NR2E3: variants seen among roughly 807,000 people sequenced by gnomAD.
NR2E3 encodes nuclear receptor subfamily 2 group E member 3.
Under a neutral mutation model 37.6 loss-of-function variants are expected in NR2E3, and 38 were observed. That is an observed-to-expected ratio of 1.01 (90% confidence interval 0.78 to 1.33). The LOEUF is 1.33. NR2E3 is among the 40% of genes most tolerant of loss of function. The pLI, the probability that NR2E3 is intolerant of heterozygous loss-of-function variation, is 0.00. For synonymous variants in NR2E3, 235 were observed against 225.1 expected (o/e 1.04, Z -0.39); for missense variants, 562 against 558.7 (o/e 1.01, Z -0.06).
rs1429140271 is a variant in NR2E3, at chr15:71,817,585, G to A, written c.1134G>A (p.Leu378=). The change falls in exon 8 of 8, where the codon TTG becomes TTA. Residue 378 remains leucine (L), a synonymous_variant. Coordinates refer to ENST00000617575, the MANE Select transcript of NR2E3 (RefSeq NM_014249.4). Reference sequence around the variant, plus strand: ...AATTGCTCCTGCTCCTCCCGTCTTTGAGGTTTATCACTGCGGAACGCATCG... The same window carrying A: ...AATTGCTCCTGCTCCTCCCGTCTTTAAGGTTTATCACTGCGGAACGCATCG... The part of the protein sequence containing the change: ...FGKLLLLLPS[L]RFITAERIEL... 2 of 1,602,390 alleles carry A rather than the reference G, an allele frequency of 1.2e-6. No individual in the cohort carries two copies. The highest frequency in any genetic ancestry group is 1.7e-6 in the Non-Finnish European group (2 of 1,170,574).
chr15:71,813,895 C>T lies in NR2E3; in HGVS notation c.995-117C>T. 6.5e-7 allele frequency: 1 copy of T among 1,533,724 alleles called. No individual in the cohort carries two copies. The highest frequency in any genetic ancestry group is 8.7e-7 in the Non-Finnish European group (1 of 1,143,934). On this transcript the variant is annotated intron_variant, in intron 6 of 7. Transcript: ENST00000617575. This position sits in a 1 kb window ranked among gnomAD's most constrained non-coding sequence, Gnocchi z 4.7. Reference sequence around the variant, plus strand: ...GTGGCTCCTCTGGGCCTGGCAGAGCCCACCCCACAGGGCCCCAGGTCCATG... The same window carrying T: ...GTGGCTCCTCTGGGCCTGGCAGAGCTCACCCCACAGGGCCCCAGGTCCATG...
At chr15:71,817,422 C>T in intron 7 of NR2E3, 130 bp from the exon 8 acceptor site, 1 of 1,261,060 alleles carries the variant, frequency 7.9e-7, no homozygotes, top group Non-Finnish European at 1.1e-6. Flanking sequence ...CCTCGAAATT[C>T]CTCCTGACCC....
intron 5 of NR2E3, among the ~76,000 whole-genome samples, chr15:71,812,852 C>T (rs1320233547): frequency 6.6e-6 from 1 of 152,152 alleles, no homozygotes; most frequent in Non-Finnish European, 1.5e-5. Flanking sequence ...GACCTGCACA[C>T]CCTGAACAGG....
Position 71,811,589 on chromosome 15 carries a change from A to ACGG in NR2E3, c.229_231dup (p.Arg78dup). 6.2e-7 allele frequency: 1 copy of ACGG among 1,604,312 alleles called. No individual in the cohort carries two copies. Among genetic ancestry groups the ACGG allele is most frequent in the Non-Finnish European group, 8.5e-7 (1 of 1,176,032 alleles). ...GCAGCGGCTTCTTCAAGAGGAGCGT[A>ACGG]CGGCGGAGGCTCATCTACAGGTGAG... is the stretch of plus-strand genomic sequence containing the variant. On this transcript the variant is annotated inframe_insertion, in exon 2 of 8. Transcript: ENST00000617575. The surrounding 1 kb of genome is among the most constrained non-coding windows in gnomAD (Gnocchi z 5.6).
chr15:71,817,094 CTTTTTTCTTTTTT>C (rs2054232363), intron 7 of NR2E3, among the ~76,000 whole-genome samples: 3 of 136,920 alleles, frequency 2.2e-5, no homozygotes, highest in African/African-American at 8.5e-5. Flanking sequence ...TGCGGCTTTT[CTTTTTTCTTTTTT>C]TTTTTTTTTG....
intron 7 of NR2E3, among the ~76,000 whole-genome samples, chr15:71,816,460 C>T (rs2054227078): frequency 6.6e-6 from 1 of 152,030 alleles, no homozygotes; most frequent in South Asian, 2.1e-4. Flanking sequence ...CGGGGTTTCA[C>T]CGCATTAGCC....
chr15:71,814,242 C>T (rs2054210443), intron 7 of NR2E3, 125 bp downstream of exon 7: 1 of 1,462,742 alleles, frequency 6.8e-7, no homozygotes, highest in Non-Finnish European at 9.0e-7. Context: ...AGCATACAGC[C>T]AACATCTATG....
At position 71,816,097 on chromosome 15, in the gene NR2E3, G is replaced by A. The variant is rs917255480; in HGVS notation, c.1101-1455G>A. On this transcript the variant is annotated intron_variant, in intron 7 of 7. Transcript: ENST00000617575. The stretch of plus-strand genomic sequence containing the variant: ...TGGGGAAGTCTTCCCCGAAATTCAC[G>A]GTGAGAGGAGCATGGGACTGCCCAA... Among the ~76,000 whole-genome samples, 7 of 152,020 alleles carry A rather than the reference G, an allele frequency of 4.6e-5. 1 individual carries two copies. Among genetic ancestry groups the A allele is most frequent in the East Asian group, 1.9e-4 (1 of 5,186 alleles).
intron 7 of NR2E3, chr15:71,814,551 G>A (rs1038069786): frequency 6.1e-5 from 59 of 974,104 alleles, no homozygotes; most frequent in Non-Finnish European, 7.1e-5. Context: ...TAGAACAGGA[G>A]CCCACTTTGA....
intron 7 of NR2E3, chr15:71,814,843 G>A (rs1311413233): frequency 2.0e-6 from 2 of 985,596 alleles, no homozygotes; most frequent in Non-Finnish European, 1.2e-6. Flanking sequence ...CATGGCCAGG[G>A]GAAGCAGAAG....
chr15:71,810,997 GC>G, intron 1 of NR2E3, 136 bp downstream of exon 1: 1 of 945,666 alleles, frequency 1.1e-6, no homozygotes, highest in South Asian at 1.9e-5. Context: ...GGGTGGGGTA[GC>G]CTGTGGGTAA....
intron 4 of NR2E3, 71 bp downstream of exon 4, chr15:71,812,247 G>A: frequency 6.2e-7 from 1 of 1,609,030 alleles, no homozygotes; most frequent in Admixed American, 1.7e-5. Flanking sequence ...GCAGCGCCTT[G>A]CCTTGATCCT....
Position 71,811,890 on chromosome 15 carries a change from G to T in NR2E3, c.349+21G>T. ...GGACGGTGAGGCGGGGGCTGGCCCG[G>T]GGGGAGGTGACAAGAAATGGGCAGC... On this transcript the variant is annotated intron_variant, in intron 3 of 7. Coordinates refer to ENST00000617575, the MANE Select transcript of NR2E3 (RefSeq NM_014249.4). This position sits in a 1 kb window ranked among gnomAD's most constrained non-coding sequence, Gnocchi z 5.6. The T allele has an allele frequency of 6.5e-7, 1 of 1,550,356 alleles. No homozygotes were observed. The highest frequency in any genetic ancestry group is 2.4e-5 in the East Asian group (1 of 40,906).
rs1595956247 is a variant in NR2E3 at position 71,811,936 on chromosome 15, A to C, written c.350-19A>C. The C allele has an allele frequency of 6.5e-7, 1 of 1,548,472 alleles. No homozygotes were observed. Among genetic ancestry groups the C allele is most frequent in the Non-Finnish European group, 8.7e-7 (1 of 1,146,190 alleles). Reference sequence around the variant, plus strand: ...GCAGCGGGACTGGCGTGTCGTCCTGACCCTTCCTGCCTCCCCAGCCGTGCA... The same window carrying C: ...GCAGCGGGACTGGCGTGTCGTCCTGCCCCTTCCTGCCTCCCCAGCCGTGCA... On this transcript the variant is annotated intron_variant, in intron 3 of 7. Coordinates refer to ENST00000617575, the MANE Select transcript of NR2E3 (RefSeq NM_014249.4). This position sits in a 1 kb window ranked among gnomAD's most constrained non-coding sequence, Gnocchi z 5.6.
chr15:71,813,710 C>T lies in NR2E3; in HGVS notation c.994+75C>T, dbSNP rs913558512. 7 of 1,594,332 alleles carry T rather than the reference C, an allele frequency of 4.4e-6. No individual in the cohort carries two copies. The Admixed American group carries it at 5.0e-5, about 11-fold the overall frequency. On this transcript the variant is annotated intron_variant, in intron 6 of 7. Coordinates refer to ENST00000617575, the MANE Select transcript of NR2E3 (RefSeq NM_014249.4). The surrounding 1 kb of genome is among the most constrained non-coding windows in gnomAD (Gnocchi z 4.7). ...TCTGCCTCTCACTCTCCCTCCACTACCCCCATGTGTGCAGATGTGTGTAGG... is the reference window on the plus strand; with the variant it reads ...TCTGCCTCTCACTCTCCCTCCACTATCCCCATGTGTGCAGATGTGTGTAGG...
Position 71,814,088 on chromosome 15 carries a change from C to G in NR2E3, c.1071C>G (p.Ser357Arg), listed in dbSNP as rs570291117. 3.7e-6 allele frequency: 6 copies of G among 1,612,188 alleles called. No individual in the cohort carries two copies. The highest frequency in any genetic ancestry group is 2.7e-5 in the African/African-American group (2 of 75,056). The change falls in exon 7 of 8, where the codon AGC becomes AGG. Residue 357 changes from serine (S) to arginine (R), a missense_variant. Ser to Arg is a moderately radical substitution (Grantham distance 110). Transcript: ENST00000617575. ...DQSQVMLSQH[S>R]KAHHPSQPVR... ...CCCAAGTGATGCTGAGCCAGCACAG[C>G]AAGGCCCACCACCCCAGCCAGCCCG...
At chr15:71,814,865 G>A (rs2054215462) in intron 7 of NR2E3, 1 of 985,488 alleles carries the variant, frequency 1.0e-6, no homozygotes, top group Non-Finnish European at 1.2e-6. Flanking sequence ...GAGACTCTAG[G>A]AGTTGAAATG....
At chr15:71,814,901 G>A (rs946336626) in intron 7 of NR2E3, 1 of 985,402 alleles carries the variant, frequency 1.0e-6, no homozygotes, top group African/African-American at 1.7e-5. Context: ...TTGGGTGAAG[G>A]TAAGGAATGA....
At position 71,812,601 on chromosome 15, in the gene NR2E3, C is replaced by T. The variant is rs72744698; in HGVS notation, c.747+90C>T. 0.071 allele frequency: 81,289 copies of T among 1,138,600 alleles called. 3,490 individuals are homozygous for T. The highest frequency in any genetic ancestry group is 0.083 in the Non-Finnish European group (67,900 of 816,774). The allele number at this position is 1,138,600 out of a possible 1,614,324, so 70.5% of individuals were successfully genotyped here. A position where few individuals can be genotyped will look rare whatever the true frequency, so the allele number is the denominator to read the frequency against. ...ACCAGACAGGGCACACACATCCCCACGCCAGTATGAATGCACACAGCTTGG... is the reference window on the plus strand; with the variant it reads ...ACCAGACAGGGCACACACATCCCCATGCCAGTATGAATGCACACAGCTTGG... On this transcript the variant is annotated intron_variant, in intron 5 of 7. Coordinates refer to ENST00000617575, the MANE Select transcript of NR2E3 (RefSeq NM_014249.4).
Sources: allele counts gnomAD v4.1 joint callset (sites outside exome capture counted in the v4.1 genomes callset), GRCh38; gene constraint gnomAD v4.1.1; non-coding constraint Gnocchi (gnomAD v3.1); transcripts MANE v1.5; gene names NCBI Gene and HGNC (gene_info 2026-07-23, HGNC 2026-07-21).